The following CREBBP variants were observed in gnomAD, a reference collection of about 807,000 sequenced individuals.
CREBBP encodes CREB binding lysine acetyltransferase.
A neutral mutation model predicts 265.0 loss-of-function variants in CREBBP; 19 were observed. The ratio of observed to expected loss-of-function variants is 0.07; its 90% CI spans 0.05 to 0.11. CREBBP has a LOEUF of 0.11. Ranked by LOEUF, CREBBP falls within the 10% of genes least tolerant of loss-of-function variation. CREBBP has a pLI of 1.00. For synonymous variants in CREBBP, 1,457 were observed against 1,223.7 expected, an observed-to-expected ratio of 1.19 and a Z score of -3.98; for missense variants, 2,525 against 3,219.0, an observed-to-expected ratio of 0.78 and a Z score of 5.22.
At chr16:3,776,450 G>A (rs931216372) in intron 11 of CREBBP, among the ~76,000 whole-genome samples, 7 of 152,134 alleles carry the variant, frequency 4.6e-5, no homozygotes, top group African/African-American at 1.7e-4. Flanking sequence ...AGGTTGTTGA[G>A]ACAGCTGCTG....
At chr16:3,781,386 G>T in intron 6 of CREBBP, 80 bp from the exon 7 acceptor site, 1 of 1,112,860 alleles carries the variant, frequency 9.0e-7, no homozygotes, top group Non-Finnish European at 1.3e-6. Context: ...TAACCAACAT[G>T]CCACCATATA....
At position 3,729,251 on chromosome 16, in the gene CREBBP, C is replaced by A. The variant is rs755609198; in HGVS notation, c.5796G>T (p.Thr1932=). ...GGCTGGTAGGCTTCCCTGTGGACACCGTGGTGGGGGGCTGAGTCCGGGCCA... is the reference window on the plus strand; with the variant it reads ...GGCTGGTAGGCTTCCCTGTGGACACAGTGGTGGGGGGCTGAGTCCGGGCCA... ...PSVARTQPPT[T]VSTGKPTSQV... Residue 1932 remains threonine (T), a synonymous_variant, in exon 31 of 31, where the codon ACG becomes ACT. Coordinates refer to ENST00000262367, the MANE Select transcript of CREBBP (RefSeq NM_004380.3). 6.6e-7 allele frequency: 1 copy of A among 1,526,266 alleles called. No homozygotes were observed. The allele number at this position is 1,526,266 out of a possible 1,614,324, so 94.5% of individuals were successfully genotyped here. A position where few individuals can be genotyped will look rare whatever the true frequency, so the allele number is the denominator to read the frequency against.
intron 21 of CREBBP, among the ~76,000 whole-genome samples, chr16:3,746,316 T>C (rs574304934): frequency 1.3e-5 from 2 of 151,770 alleles, no homozygotes; most frequent in African/African-American, 4.8e-5. Flanking sequence ...CCCAGTCTGC[T>C]GGAGGGAAAG....
At chr16:3,841,805 C>A (rs563330729) in intron 2 of CREBBP, among the ~76,000 whole-genome samples, 3 of 152,202 alleles carry the variant, frequency 2.0e-5, no homozygotes, top group Non-Finnish European at 2.9e-5. Context: ...CTGACCACCA[C>A]AATTACGGTC....
intron 11 of CREBBP, among the ~76,000 whole-genome samples, chr16:3,775,461 G>C (rs1196870414): frequency 6.6e-6 from 1 of 152,202 alleles, no homozygotes; most frequent in Non-Finnish European, 1.5e-5. Context: ...ACCAACACTA[G>C]AATCTGACAG....
intron 13 of CREBBP, among the ~76,000 whole-genome samples, chr16:3,771,611 G>A (rs1000897413): frequency 2.0e-5 from 3 of 151,806 alleles, no homozygotes; most frequent in Admixed American, 1.3e-4. Flanking sequence ...CTGAAACTGC[G>A]GATAGTACTG....
chr16:3,802,155 A>AAG, intron 3 of CREBBP, among the ~76,000 whole-genome samples: 1 of 111,572 alleles, frequency 9.0e-6, no homozygotes, highest in Admixed American at 1.1e-4. Context: ...TTTTTGTGAC[A>AAG]GAGTCTCGCT....
chr16:3,869,400 T>C (rs2055246198), intron 1 of CREBBP, among the ~76,000 whole-genome samples: 2 of 152,252 alleles, frequency 1.3e-5, no homozygotes, highest in African/African-American at 4.8e-5. Context: ...TGAATATTTT[T>C]GAAGGAGTCT....
At chr16:3,799,475 G>A (rs2053671008) in intron 3 of CREBBP, among the ~76,000 whole-genome samples, 1 of 152,160 alleles carries the variant, frequency 6.6e-6, no homozygotes, top group South Asian at 2.1e-4. Flanking sequence ...CAAGTACTCT[G>A]GCAATTCGGT....
chr16:3,731,384 G>T lies in CREBBP; in HGVS notation c.4980C>A (p.Leu1660=). ...VDPDPLLSCD[L]MDGRDAFLTL... is the part of the protein sequence containing the mutation. ...TGAGGAAGGCGTCGCGCCCATCCAT[G>T]AGGTCACAGCTGAGCAGGGGGTCGG... The change falls in exon 30 of 31, where the codon CTC becomes CTA. Residue 1660 remains leucine (L), a synonymous_variant. Coordinates refer to ENST00000262367, the MANE Select transcript of CREBBP (RefSeq NM_004380.3). The surrounding 1 kb of genome is among the most constrained non-coding windows in gnomAD (Gnocchi z 7.7). The T allele has an allele frequency of 6.2e-7, 1 of 1,612,274 alleles. No homozygotes were observed.
chr16:3,730,090 A>G (rs1372509953), intron 30 of CREBBP, among the ~76,000 whole-genome samples: 4 of 138,958 alleles, frequency 2.9e-5, no homozygotes, highest in Admixed American at 6.9e-5. Flanking sequence ...GATCATGGAC[A>G]ACATGGGATC....
intron 16 of CREBBP, among the ~76,000 whole-genome samples, chr16:3,764,616 C>T (rs974952936): frequency 6.6e-6 from 1 of 152,160 alleles, no homozygotes; most frequent in Non-Finnish European, 1.5e-5. Flanking sequence ...TAGGGCCTTG[C>T]TCTGTTGTCC....
intron 3 of CREBBP, among the ~76,000 whole-genome samples, chr16:3,806,302 C>T (rs569728660): frequency 3.9e-5 from 6 of 152,240 alleles, no homozygotes; most frequent in South Asian, 4.1e-4. Flanking sequence ...CAGCAGCTGC[C>T]GTGGGCCCTG....
rs776759011 is a variant in CREBBP at position 3,729,455 on chromosome 16, G to C, written c.5592C>G (p.Leu1864=). ...TCATGGTGGCCATCCGCCGGCGCAT[G>C]AGCTGGGCCTGCTGCAGGCGGTGCT... is the stretch of plus-strand genomic sequence containing the variant. ...QIQHRLQQAQ[L]MRRRMATMNT... The change falls in exon 31 of 31, where the codon CTC becomes CTG. Residue 1864 remains leucine (L), a synonymous_variant. Transcript: ENST00000262367. The C allele has an allele frequency of 2.5e-6, 4 of 1,614,102 alleles. No homozygotes were observed. The highest frequency in any genetic ancestry group is 2.2e-5 in the South Asian group (2 of 91,084).
At chr16:3,756,029 TA>T (rs1393141588) in intron 19 of CREBBP, among the ~76,000 whole-genome samples, 1 of 151,828 alleles carries the variant, frequency 6.6e-6, no homozygotes, top group Non-Finnish European at 1.5e-5. Context: ...TATGGATTTT[TA>T]AAAAAAACAT....
At chr16:3,783,452 T>C (rs531235776) in intron 5 of CREBBP, among the ~76,000 whole-genome samples, 43 of 152,324 alleles carry the variant, frequency 2.8e-4, no homozygotes, top group South Asian at 8.3e-4. Flanking sequence ...AATGTGCTCT[T>C]CCAAATCACA....
intron 16 of CREBBP, 21 bp downstream of exon 16, chr16:3,767,699 G>C (rs1419708574): frequency 3.1e-6 from 5 of 1,614,134 alleles, no homozygotes; most frequent in Non-Finnish European, 4.2e-6. Flanking sequence ...GCTTTAATAA[G>C]GTAATGAATA....
At position 3,793,415 on chromosome 16, in the gene CREBBP, G is replaced by A. The variant is rs1425065110; in HGVS notation, c.1187C>T (p.Thr396Met). The A allele has an allele frequency of 1.2e-6, 2 of 1,614,084 alleles. No individual in the cohort carries two copies. Residue 396 changes from threonine (T) to methionine (M), a missense_variant, in exon 4 of 31, where the codon ACG becomes ATG. Thr to Met is a moderately conservative substitution (Grantham distance 81). This residue lies in a region of CREBBP where 126 missense variants were observed against 171.9 expected (regional missense o/e 0.73). Transcript: ENST00000262367. ...GCAGGCTTTCCCAGCCTGACAATGC[G>A]TCATGTGATTCAAAACGTTTTTCAT... The part of the protein sequence containing the change: ...RTMKNVLNHM[T>M]HCQAGKACQV...
intron 2 of CREBBP, among the ~76,000 whole-genome samples, chr16:3,815,022 G>A (rs1419846669): frequency 1.3e-5 from 2 of 152,160 alleles, no homozygotes; most frequent in Admixed American, 6.5e-5. Flanking sequence ...CCATGCACTG[G>A]TCCTAGCCTG....
Sources: gnomAD v4.1 joint callset for allele counts (sites outside exome capture counted in the v4.1 genomes callset) on GRCh38, gnomAD v4.1.1 for gene constraint, gnomAD v4.1.1 regional missense constraint, Gnocchi (gnomAD v3.1) non-coding constraint, MANE v1.5 for transcripts, NCBI Gene and HGNC (gene_info 2026-07-23, HGNC 2026-07-21) for gene names.